ACOXL: variants seen among roughly 807,000 people sequenced by gnomAD.
ACOXL encodes the protein acyl-CoA oxidase like.
A neutral mutation model predicts 71.9 loss-of-function variants in ACOXL; 70 were observed. That is an observed-to-expected ratio of 0.97 (90% CI 0.80 to 1.19). The LOEUF is 1.19. ACOXL is among the 50% of genes most tolerant of loss of function. The pLI is 0.00. For synonymous variants in ACOXL, 253 were observed against 281.6 expected, an observed-to-expected ratio of 0.90 and a Z score of 1.02; for missense variants, 703 against 736.3, an observed-to-expected ratio of 0.95 and a Z score of 0.52.
intron 9 of ACOXL, among the ~76,000 whole-genome samples, chr2:110,805,667 T>G (rs1269462981): frequency 1.3e-5 from 2 of 152,220 alleles, no homozygotes; most frequent in African/African-American, 2.4e-5. Context: ...CCAGGAGAGA[T>G]GACCAGGGAG....
intron 10 of ACOXL, among the ~76,000 whole-genome samples, chr2:110,874,884 C>T (rs993680345): frequency 6.6e-6 from 1 of 152,170 alleles, no homozygotes; most frequent in Non-Finnish European, 1.5e-5. Context: ...TTATGAAACA[C>T]GTGCTTCAGG....
chr2:110,850,758 G>C (rs563661550), intron 10 of ACOXL, among the ~76,000 whole-genome samples: 1 of 152,278 alleles, frequency 6.6e-6, no homozygotes, highest in African/African-American at 2.4e-5. Context: ...AAACACTTTG[G>C]AAGTTTCTTA....
chr2:110,798,492 G>A (rs375188079), intron 5 of ACOXL, 118 bp from the exon 6 acceptor site: 19 of 731,576 alleles, frequency 2.6e-5, no homozygotes, highest in Admixed American at 2.0e-4. Flanking sequence ...TCCTGACCTC[G>A]TGATCCACCC....
intron 2 of ACOXL, among the ~76,000 whole-genome samples, chr2:110,774,723 A>G (rs1190909957): frequency 1.3e-5 from 2 of 152,248 alleles, no homozygotes; most frequent in Non-Finnish European, 2.9e-5. Context: ...AAGACCTCAT[A>G]TTGTTAAAAT....
intron 10 of ACOXL, among the ~76,000 whole-genome samples, chr2:110,884,953 A>G (rs1175025763): frequency 6.6e-6 from 1 of 152,102 alleles, no homozygotes; most frequent in Non-Finnish European, 1.5e-5. Context: ...CATTCTTTCT[A>G]GCTGATGAAA....
chr2:111,061,903 T>A (rs1369235890), intron 16 of ACOXL, among the ~76,000 whole-genome samples: 1 of 151,670 alleles, frequency 6.6e-6, no homozygotes, highest in Admixed American at 6.6e-5. Flanking sequence ...AAGTCATGCA[T>A]GGTAAGCCAA....
At chr2:110,861,560 A>G (rs1161147339) in intron 10 of ACOXL, among the ~76,000 whole-genome samples, 2 of 152,046 alleles carry the variant, frequency 1.3e-5, no homozygotes, top group African/African-American at 2.4e-5. Flanking sequence ...GGAGAAACTC[A>G]AAATCTAACC....
At chr2:110,962,305 G>A (rs2061730080) in intron 12 of ACOXL, among the ~76,000 whole-genome samples, 1 of 152,236 alleles carries the variant, frequency 6.6e-6, no homozygotes, top group African/African-American at 2.4e-5. Flanking sequence ...ATCGGAACCT[G>A]CTTTCATGTG....
chr2:111,117,458 G>A (rs1181146564), intron 17 of ACOXL, among the ~76,000 whole-genome samples, 158 bp from the exon 18 acceptor site: 1 of 152,198 alleles, frequency 6.6e-6, no homozygotes, highest in African/African-American at 2.4e-5. Flanking sequence ...GGCTTCCGAG[G>A]GTTATTCATG....
At chr2:111,028,503 G>A (rs1012073195) in intron 14 of ACOXL, among the ~76,000 whole-genome samples, 4 of 151,638 alleles carry the variant, frequency 2.6e-5, no homozygotes, top group East Asian at 3.9e-4. Context: ...TTGCCTTATT[G>A]CCCTGGCTAG....
At chr2:110,878,884 C>A (rs1178630578) in intron 10 of ACOXL, among the ~76,000 whole-genome samples, 1 of 151,668 alleles carries the variant, frequency 6.6e-6, no homozygotes, top group Non-Finnish European at 1.5e-5. Context: ...ATGGTTAAAC[C>A]CCGTCTCTAC....
At chr2:111,096,431 C>T (rs562536739) in intron 17 of ACOXL, among the ~76,000 whole-genome samples, 9 of 151,784 alleles carry the variant, frequency 5.9e-5, no homozygotes, top group African/African-American at 1.2e-4. Context: ...TTAGTAGAGA[C>T]GGGGTTTCAC....
chr2:110,798,157 C>T (rs569291747), intron 5 of ACOXL, among the ~76,000 whole-genome samples: 3 of 152,050 alleles, frequency 2.0e-5, no homozygotes, highest in African/African-American at 7.2e-5. Flanking sequence ...GGTTTCAAGA[C>T]GTGGAGCCAG....
At chr2:110,754,338 C>T (rs1374709897) in intron 1 of ACOXL, among the ~76,000 whole-genome samples, 11 of 152,066 alleles carry the variant, frequency 7.2e-5, no homozygotes. Flanking sequence ...TCTCAAAGTG[C>T]TGAGATTACA....
At chr2:110,803,210 G>T (rs1686209039) in intron 8 of ACOXL, among the ~76,000 whole-genome samples, 1 of 152,126 alleles carries the variant, frequency 6.6e-6, no homozygotes, top group African/African-American at 2.4e-5. Context: ...AGGAAACTTA[G>T]AATAGCCAAA....
At chr2:111,008,547 A>T (rs2063984094) in intron 14 of ACOXL, among the ~76,000 whole-genome samples, 1 of 152,202 alleles carries the variant, frequency 6.6e-6, no homozygotes, top group South Asian at 2.1e-4. Context: ...CCTTCCTCCC[A>T]ACCTTTGGTC....
chr2:111,091,136 T>C (rs538992513), intron 16 of ACOXL, among the ~76,000 whole-genome samples: 9 of 152,054 alleles, frequency 5.9e-5, no homozygotes, highest in Non-Finnish European at 1.3e-4. Flanking sequence ...AATGTCCCTG[T>C]TTACATAGCT....
intron 1 of ACOXL, among the ~76,000 whole-genome samples, chr2:110,747,553 C>A (rs1239646289): frequency 1.3e-5 from 2 of 152,182 alleles, no homozygotes; most frequent in African/African-American, 4.8e-5. Flanking sequence ...AAATAACCGT[C>A]CTCGTTTCAA....
intron 14 of ACOXL, among the ~76,000 whole-genome samples, chr2:111,005,218 T>C (rs549721034): frequency 1.9e-4 from 29 of 152,294 alleles, no homozygotes; most frequent in African/African-American, 6.7e-4. Context: ...GAAAGACTAA[T>C]TTTCAAAATC....
Sources: allele counts gnomAD v4.1 joint callset (sites outside exome capture counted in the v4.1 genomes callset), GRCh38; gene constraint gnomAD v4.1.1; transcripts MANE v1.5; gene names NCBI Gene and HGNC (gene_info 2026-07-23, HGNC 2026-07-21).